FAT3: variants seen among roughly 807,000 people sequenced by gnomAD.
FAT3 encodes the protein FAT atypical cadherin 3.
A neutral mutation model predicts 310.2 loss-of-function variants in FAT3; 95 were observed. The observed-to-expected ratio is 0.31, with a 90% CI of 0.26 to 0.36. The LOEUF is 0.36. Among genes scored for constraint, FAT3 ranks in the 10% least tolerant of loss-of-function variants. FAT3 has a pLI of 1.00. For missense variants in FAT3, 5,408 were observed against 5,715.6 expected (o/e 0.95, Z 1.74); for synonymous variants, 2,314 against 2,192.9 (o/e 1.06, Z -1.54).
chr11:92,859,634 G>A (rs1949072482), intron 21 of FAT3, among the ~76,000 whole-genome samples: 1 of 152,130 alleles, frequency 6.6e-6, no homozygotes, highest in African/African-American at 2.4e-5. Context: ...TCCACAACAG[G>A]GGTGGTCCTT....
rs1228890499 is a variant in FAT3, at chr11:92,844,116, G to A, written c.10749G>A (p.Val3583=). Residue 3583 remains valine (V), a synonymous_variant, in exon 19 of 28, where the codon GTG becomes GTA. Coordinates refer to ENST00000525166, the MANE Select transcript of FAT3 (RefSeq NM_001367949.2). The part of the protein sequence containing the change: ...IHATDQDMYD[V]LTFALKSEQK... ...CCACAGATCAAGACATGTATGATGT[G>A]CTCACATTTGCCCTGAAATCGGAGC... The A allele has an allele frequency of 6.2e-7, 1 of 1,614,002 alleles. No individual in the cohort carries two copies. Among genetic ancestry groups the A allele is most frequent in the East Asian group, 2.2e-5 (1 of 44,886 alleles).
chr11:92,848,306 T>C (rs1013172923), intron 19 of FAT3, among the ~76,000 whole-genome samples: 21 of 152,336 alleles, frequency 1.4e-4, no homozygotes, highest in African/African-American at 5.1e-4. Flanking sequence ...GCATCGTGTC[T>C]GAACAAACTT....
At chr11:92,369,179 TAA>T (rs1277832412) in intron 2 of FAT3, among the ~76,000 whole-genome samples, 1 of 152,190 alleles carries the variant, frequency 6.6e-6, no homozygotes, top group African/African-American at 2.4e-5. Context: ...GCAAAATTTA[TAA>T]AAATGTAGGA....
rs137870546 is a variant in FAT3, at chr11:92,835,180, A to C, written c.10086+96A>C. ...GCAAAGTCCGTCTTGGGTTTTCTTC[A>C]CACTTCCCCCTTTCAGTGTCCATTT... On this transcript the variant is annotated intron_variant, in intron 15 of 27. Coordinates refer to ENST00000525166, the MANE Select transcript of FAT3 (RefSeq NM_001367949.2). 1.3e-4 allele frequency: 133 copies of C among 1,009,554 alleles called. No individual in the cohort carries two copies. In the African/African-American group the frequency reaches 1.9e-3, roughly 15 times the overall value. The allele number at this position is 1,009,554 out of a possible 1,614,324, so 62.5% of individuals were successfully genotyped here.
At chr11:92,519,905 C>T (rs771166264) in intron 2 of FAT3, among the ~76,000 whole-genome samples, 1 of 152,094 alleles carries the variant, frequency 6.6e-6, no homozygotes, top group Admixed American at 6.6e-5. Flanking sequence ...CAACTGGAAC[C>T]CTCCACATTC....
chr11:92,648,636 C>A (rs182869466), intron 3 of FAT3, among the ~76,000 whole-genome samples: 11 of 152,296 alleles, frequency 7.2e-5, no homozygotes, highest in East Asian at 1.9e-4. Flanking sequence ...CAATCCTACT[C>A]CCTTTACAGC....
At chr11:92,729,495 C>T (rs964481766) in intron 4 of FAT3, among the ~76,000 whole-genome samples, 13 of 149,442 alleles carry the variant, frequency 8.7e-5, no homozygotes, top group African/African-American at 3.0e-4. Context: ...GGCGTGATCT[C>T]GGCTCACTGC....
At chr11:92,840,384 A>G (rs923699805) in intron 17 of FAT3, among the ~76,000 whole-genome samples, 178 bp from the exon 18 acceptor site, 1 of 152,192 alleles carries the variant, frequency 6.6e-6, no homozygotes, top group East Asian at 1.9e-4. Context: ...AGACACCAAC[A>G]TGTTTTCAGA....
chr11:92,263,743 A>G (rs1237709197), intron 1 of FAT3, among the ~76,000 whole-genome samples: 2 of 152,042 alleles, frequency 1.3e-5, no homozygotes, highest in Non-Finnish European at 2.9e-5. Context: ...GCATTTGCCC[A>G]TTGTATCATG....
At position 92,488,477 on chromosome 11, in the gene FAT3, C is replaced by G. The variant is rs575383004; in HGVS notation, c.3293-36157C>G. 1.6e-4 allele frequency among the ~76,000 whole-genome samples: 21 copies of G among 133,560 alleles called. No individual in the cohort carries two copies. In the South Asian group the frequency reaches 5.5e-3, roughly 35 times the overall value. The allele number at this position is 133,560 out of a possible 152,430, so 87.6% of individuals were successfully genotyped here. A position where few individuals can be genotyped will look rare whatever the true frequency, so the allele number is the denominator to read the frequency against. ...CCCCCCCCCCGCCCCCCAACCAGCC[C>G]TGAGTTTCTTACTCAGTAGACCTGG... On this transcript the variant is annotated intron_variant, in intron 2 of 27. Transcript: ENST00000525166.
At chr11:92,727,294 G>A (rs1357204618) in intron 4 of FAT3, among the ~76,000 whole-genome samples, 2 of 152,052 alleles carry the variant, frequency 1.3e-5, no homozygotes, top group African/African-American at 4.8e-5. Flanking sequence ...AATATATCAA[G>A]TGCCAAGAGT....
chr11:92,593,995 C>G (rs1173703108), intron 3 of FAT3, among the ~76,000 whole-genome samples: 1 of 152,096 alleles, frequency 6.6e-6, no homozygotes, highest in Non-Finnish European at 1.5e-5. Flanking sequence ...AAGCAAGGAC[C>G]CCTTCTCCCT....
intron 22 of FAT3, among the ~76,000 whole-genome samples, chr11:92,870,502 G>A (rs1330428371): frequency 6.6e-6 from 1 of 152,084 alleles, no homozygotes; most frequent in Non-Finnish European, 1.5e-5. Context: ...ACATGAACTG[G>A]AAATAGCAAC....
chr11:92,531,353 C>G (rs1954065776), intron 3 of FAT3, among the ~76,000 whole-genome samples: 1 of 152,106 alleles, frequency 6.6e-6, no homozygotes, highest in Non-Finnish European at 1.5e-5. Context: ...CATTATGTCC[C>G]CAGGGAAGCT....
At chr11:92,719,865 G>T (rs1348964610) in intron 4 of FAT3, among the ~76,000 whole-genome samples, 1 of 152,026 alleles carries the variant, frequency 6.6e-6, no homozygotes, top group Non-Finnish European at 1.5e-5. Flanking sequence ...AAATATTCAA[G>T]TAAGACTGTT....
At chr11:92,616,933 G>A (rs1175801725) in intron 3 of FAT3, among the ~76,000 whole-genome samples, 1 of 152,086 alleles carries the variant, frequency 6.6e-6, no homozygotes, top group African/African-American at 2.4e-5. Context: ...TTCAACTTTG[G>A]TGAATCTGAC....
chr11:92,374,067 T>C (rs1442758608), intron 2 of FAT3, among the ~76,000 whole-genome samples: 1 of 133,180 alleles, frequency 7.5e-6, no homozygotes, highest in African/African-American at 3.1e-5. Flanking sequence ...GAATTTGCTT[T>C]CCTTCTGCCT....
At chr11:92,236,451 A>G (rs1194876631) in intron 1 of FAT3, among the ~76,000 whole-genome samples, 7 of 152,114 alleles carry the variant, frequency 4.6e-5, no homozygotes, top group Non-Finnish European at 7.4e-5. Flanking sequence ...GGTGAAATCA[A>G]CACGTGAGCA....
At chr11:92,843,734 A>G (rs1444994462) in intron 18 of FAT3, among the ~76,000 whole-genome samples, 200 bp from the exon 19 acceptor site, 4 of 152,194 alleles carry the variant, frequency 2.6e-5, no homozygotes, top group African/African-American at 9.7e-5. Flanking sequence ...TGTCCATAAC[A>G]GAGTGTACAT....
Sources: gnomAD v4.1 joint callset for allele counts (sites outside exome capture counted in the v4.1 genomes callset) on GRCh38, gnomAD v4.1.1 for gene constraint, MANE v1.5 for transcripts, NCBI Gene and HGNC (gene_info 2026-07-23, HGNC 2026-07-21) for gene names.